Variants in FRS2 observed in about 807,000 individuals in gnomAD.
The protein encoded by FRS2 is fibroblast growth factor receptor substrate 2.
A neutral mutation model predicts 43.9 loss-of-function variants in FRS2; 8 were observed. The ratio of observed to expected loss-of-function variants is 0.18; its 90% CI spans 0.11 to 0.33. The LOEUF (loss-of-function observed/expected upper bound fraction) is 0.33, where lower values mean the gene tolerates loss of function less well. Ranked by LOEUF, FRS2 falls within the 10% of genes least tolerant of loss-of-function variation. The pLI is 1.00. For missense variants in FRS2, 534 were observed against 627.6 expected, an observed-to-expected ratio of 0.85 and a Z score of 1.59; for synonymous variants, 219 against 220.3, an observed-to-expected ratio of 0.99 and a Z score of 0.05.
chr12:69,524,723 A>G (rs993664613), intron 1 of FRS2, among the ~76,000 whole-genome samples: 6 of 152,296 alleles, frequency 3.9e-5, no homozygotes, highest in Non-Finnish European at 7.4e-5. Flanking sequence ...GTTCCACTAC[A>G]GAGGCTGCAG....
chr12:69,485,111 A>ACGCGCGCACACACACT (rs973178570), intron 1 of FRS2, among the ~76,000 whole-genome samples: 1 of 146,988 alleles, frequency 6.8e-6, no homozygotes, highest in African/African-American at 2.6e-5. Flanking sequence ...ACACACACAC[A>ACGCGCGCACACACACT]CACACACACA....
chr12:69,551,462 T>G (rs1040915421), intron 3 of FRS2, among the ~76,000 whole-genome samples: 26 of 152,334 alleles, frequency 1.7e-4, no homozygotes, highest in Admixed American at 1.6e-3. Flanking sequence ...CAGAATTACC[T>G]TCACCATGGA....
intron 1 of FRS2, among the ~76,000 whole-genome samples, chr12:69,509,980 C>T (rs1874308290): frequency 6.6e-6 from 1 of 152,168 alleles, no homozygotes; most frequent in Non-Finnish European, 1.5e-5. Flanking sequence ...GCAATTTTAA[C>T]AGCCATGTTA....
rs1401540928 is a variant in FRS2, at chr12:69,562,285, GTTTA to G, written c.-27+17_-27+20del. ...AATGGCCAGATCTAGGTAAGTTGAAGTTTATTTATGTTTTACATCACTAAGCCTA... is the reference window on the plus strand; with the variant it reads ...AATGGCCAGATCTAGGTAAGTTGAAGTTTATGTTTTACATCACTAAGCCTA... On this transcript the variant is annotated intron_variant, in intron 4 of 8. Coordinates refer to ENST00000549921, the MANE Select transcript of FRS2 (RefSeq NM_001278356.2). 3 of 398,196 alleles carry G rather than the reference GTTTA, an allele frequency of 7.5e-6. No homozygotes were observed. Among genetic ancestry groups the G allele is most frequent in the East Asian group, 3.6e-5 (1 of 28,036 alleles). The allele number at this position is 398,196 out of a possible 1,614,324, so 24.7% of individuals were successfully genotyped here.
intron 3 of FRS2, among the ~76,000 whole-genome samples, chr12:69,549,424 T>G (rs1878682179): frequency 1.0e-5 from 1 of 99,672 alleles, no homozygotes; most frequent in African/African-American, 6.3e-5. Flanking sequence ...GTCCTTGAAA[T>G]TTATTTCAAT....
intron 3 of FRS2, among the ~76,000 whole-genome samples, chr12:69,554,388 G>A (rs529682732): frequency 1.3e-5 from 2 of 152,142 alleles, no homozygotes; most frequent in South Asian, 4.2e-4. Context: ...GAGAAAAATA[G>A]GTGTAAAACA....
At chr12:69,561,707 A>T (rs1879892995) in intron 3 of FRS2, among the ~76,000 whole-genome samples, 1 of 152,152 alleles carries the variant, frequency 6.6e-6, no homozygotes, top group African/African-American at 2.4e-5. Flanking sequence ...TGGAATAGGA[A>T]GATATGGGGG....
At chr12:69,472,830 A>C (rs923132363) in intron 1 of FRS2, among the ~76,000 whole-genome samples, 29 of 152,312 alleles carry the variant, frequency 1.9e-4, no homozygotes, top group African/African-American at 7.0e-4. Context: ...GCATACTAAC[A>C]ATTTTTTTTG....
At chr12:69,543,892 A>C (rs1424462945) in intron 3 of FRS2, among the ~76,000 whole-genome samples, 1 of 152,172 alleles carries the variant, frequency 6.6e-6, no homozygotes, top group Non-Finnish European at 1.5e-5. Context: ...AGAAAATGAT[A>C]CTAAAAAATT....
At chr12:69,534,450 C>A (rs1416684169) in intron 3 of FRS2, among the ~76,000 whole-genome samples, 1 of 152,154 alleles carries the variant, frequency 6.6e-6, no homozygotes, top group Non-Finnish European at 1.5e-5. Context: ...GTTAAATCAA[C>A]CCCTGTAATG....
rs566300216 is a variant in FRS2 at position 69,577,157 on chromosome 12, T to C, written c.*2202T>C. 1 of 151,976 alleles carries C rather than the reference T, an allele frequency of 6.6e-6. No homozygotes were observed. The highest frequency in any genetic ancestry group is 1.5e-5 in the Non-Finnish European group (1 of 67,962). 9.4% of individuals were successfully genotyped at this position (151,976 alleles called of 1,614,324 possible). ...TCCCCCGGATTCTAATTAGTTTTTA[T>C]TTTTTTTAGATAACTCCAATATAAT... is the stretch of plus-strand genomic sequence containing the variant. On this transcript the variant is annotated 3_prime_UTR_variant, in exon 9 of 9. Coordinates refer to ENST00000549921, the MANE Select transcript of FRS2 (RefSeq NM_001278356.2).
chr12:69,526,411 A>G (rs1343100223), intron 1 of FRS2, among the ~76,000 whole-genome samples: 1 of 152,210 alleles, frequency 6.6e-6, no homozygotes, highest in African/African-American at 2.4e-5. Flanking sequence ...GCAGTAGTTC[A>G]ATCTAATAAT....
chr12:69,545,755 C>CAAAAAAAAA (rs60460901), intron 3 of FRS2, among the ~76,000 whole-genome samples: 7 of 80,410 alleles, frequency 8.7e-5, no homozygotes, highest in East Asian at 3.2e-4. Flanking sequence ...GACCCTGTCT[C>CAAAAAAAAA]AAAAAAAAAA....
At chr12:69,497,879 A>G (rs2121042787) in intron 1 of FRS2, among the ~76,000 whole-genome samples, 1 of 152,340 alleles carries the variant, frequency 6.6e-6, no homozygotes, top group South Asian at 2.1e-4. Context: ...TGAGCAGAGT[A>G]GTAGTCTGAT....
In FRS2 at chr12:69,574,508, A is replaced by G; in HGVS notation, c.1080A>G (p.Glu360=). 6.2e-7 allele frequency: 1 copy of G among 1,614,142 alleles called. No homozygotes were observed. Among genetic ancestry groups the G allele is most frequent in the Non-Finnish European group, 8.5e-7 (1 of 1,180,016 alleles). Residue 360 remains glutamate (E), a synonymous_variant, in exon 9 of 9, where the codon GAA becomes GAG. Coordinates refer to ENST00000549921, the MANE Select transcript of FRS2 (RefSeq NM_001278356.2). The part of the protein sequence containing the change: ...ENLPSLPPVW[E]ARKLSRDEDD... ...TACCATCTTTGCCTCCTGTTTGGGAAGCCCGCAAGCTAAGTAGGGATGAAG... is the reference window on the plus strand; with the variant it reads ...TACCATCTTTGCCTCCTGTTTGGGAGGCCCGCAAGCTAAGTAGGGATGAAG...
chr12:69,472,298 G>A (rs1365814853), intron 1 of FRS2, among the ~76,000 whole-genome samples: 2 of 121,244 alleles, frequency 1.6e-5, no homozygotes, highest in East Asian at 5.1e-4. Context: ...TCACTATGTT[G>A]CCCAGGCTGG....
At chr12:69,494,040 T>A (rs905621819) in intron 1 of FRS2, among the ~76,000 whole-genome samples, 1 of 152,226 alleles carries the variant, frequency 6.6e-6, no homozygotes, top group African/African-American at 2.4e-5. Context: ...TTGTTAGGCT[T>A]CTTTTCAGAA....
intron 3 of FRS2, among the ~76,000 whole-genome samples, chr12:69,545,755 C>CAAAAAAAAAA (rs60460901): frequency 9.9e-5 from 8 of 80,422 alleles, no homozygotes; most frequent in Admixed American, 2.9e-4. Context: ...GACCCTGTCT[C>CAAAAAAAAAA]AAAAAAAAAA....
chr12:69,572,199 G>A lies in FRS2; in HGVS notation c.494G>A (p.Ser165Asn), dbSNP rs765228856. Reference protein sequence around the residue: ...SFGDASSHPSSRHPSVGSARL... With the variant: ...SFGDASSHPSNRHPSVGSARL... ...GGAGATGCTTCATCCCATCCGTCAA[G>A]CAGACATCCTTCTGTGGGAAGTGCT... Residue 165 changes from serine (S) to asparagine (N), a missense_variant, in exon 8 of 9, where the codon AGC (serine) becomes AAC (asparagine). This residue lies in a region of FRS2 where 446 missense variants were observed against 494.2 expected (regional missense o/e 0.90). Transcript: ENST00000549921. 6.2e-7 allele frequency: 1 copy of A among 1,613,196 alleles called. No individual in the cohort carries two copies. The highest frequency in any genetic ancestry group is 1.1e-5 in the South Asian group (1 of 91,070).
Sources: gnomAD v4.1 joint callset for allele counts (sites outside exome capture counted in the v4.1 genomes callset) on GRCh38, gnomAD v4.1.1 for gene constraint, gnomAD v4.1.1 regional missense constraint, MANE v1.5 for transcripts, NCBI Gene and HGNC (gene_info 2026-07-23, HGNC 2026-07-21) for gene names.